The following RTKN2 variants were observed in gnomAD, a reference collection of about 807,000 sequenced individuals.
RTKN2 encodes the protein rhotekin 2.
A neutral mutation model predicts 71.5 loss-of-function variants in RTKN2; 69 were observed. The ratio of observed to expected loss-of-function variants is 0.96; its 90% CI spans 0.79 to 1.18. The LOEUF (loss-of-function observed/expected upper bound fraction) is 1.18. RTKN2 is among the 50% of genes most tolerant of loss of function. The probability of loss-of-function intolerance (pLI) is 0.00; values close to 1 mark genes in which losing one functional copy is unlikely to be tolerated. For synonymous variants in RTKN2, 236 were observed against 236.5 expected, an observed-to-expected ratio of 1.00 and a Z score of 0.02; for missense variants, 724 against 719.7, an observed-to-expected ratio of 1.01 and a Z score of -0.07.
downstream of RTKN2, among the ~76,000 whole-genome samples, chr10:62,191,136 T>G (rs1841216548): frequency 6.6e-6 from 1 of 152,180 alleles, no homozygotes; most frequent in African/African-American, 2.4e-5. Context: ...TTGCACTTCT[T>G]AACTCGTTAG....
At chr10:62,241,050 T>C in intron 4 of RTKN2, 92 bp downstream of exon 4, 1 of 668,466 alleles carries the variant, frequency 1.5e-6, no homozygotes, top group Admixed American at 3.2e-5. Flanking sequence ...GACATCAATT[T>C]ATTTCAGCAA....
intron 11 of RTKN2, among the ~76,000 whole-genome samples, chr10:62,199,525 A>T (rs1422214999): frequency 2.6e-5 from 4 of 152,202 alleles, no homozygotes; most frequent in Non-Finnish European, 5.9e-5. Flanking sequence ...TAAGCCTTAA[A>T]TTTTTTGTCT....
chr10:62,262,614 A>C lies in RTKN2; in HGVS notation c.257+11T>G. 6.4e-7 allele frequency: 1 copy of C among 1,567,806 alleles called. No homozygotes were observed. Among genetic ancestry groups the C allele is most frequent in the Non-Finnish European group, 8.7e-7 (1 of 1,145,792 alleles). On this transcript the variant is annotated intron_variant, in intron 2 of 11. Coordinates refer to ENST00000373789, the MANE Select transcript of RTKN2 (RefSeq NM_145307.4). Reference sequence around the variant, plus strand: ...GTACATTAAAAGCCACAGGTAAACTATGTTACTAACCATCTTCCAGTCTGA... The same window carrying C: ...GTACATTAAAAGCCACAGGTAAACTCTGTTACTAACCATCTTCCAGTCTGA...
At chr10:62,215,828 C>G (rs1238102717) in intron 9 of RTKN2, among the ~76,000 whole-genome samples, 1 of 151,854 alleles carries the variant, frequency 6.6e-6, no homozygotes, top group Non-Finnish European at 1.5e-5. Context: ...GGAAATACAA[C>G]ACTGCATAAA....
At chr10:62,210,811 G>A (rs1173909882) in intron 9 of RTKN2, among the ~76,000 whole-genome samples, 1 of 151,836 alleles carries the variant, frequency 6.6e-6, no homozygotes, top group Non-Finnish European at 1.5e-5. Flanking sequence ...AACTCCTACA[G>A]GAAAATGTTT....
chr10:62,232,806 T>G (rs1429633028), intron 6 of RTKN2, among the ~76,000 whole-genome samples: 1 of 152,126 alleles, frequency 6.6e-6, no homozygotes, highest in Non-Finnish European at 1.5e-5. Flanking sequence ...CAGAGCTTAC[T>G]ACAAAATGCT....
At position 62,198,220 on chromosome 10, in the gene RTKN2, A is replaced by G; in HGVS notation, c.1518T>C (p.Leu506=). ...DEKGKKRQAP[L]PPSDKLPFSL... is the part of the protein sequence containing the mutation. ...TGAATGGAAGTTTATCAGAAGGAGG[A>G]AGGGGAGCTTGTCTCTTTTTCCCTT... is the stretch of plus-strand genomic sequence containing the variant. Residue 506 remains leucine, a synonymous_variant, in exon 12 of 12, where the codon CTT becomes CTC. Transcript: ENST00000373789. The G allele has an allele frequency of 3.1e-6, 5 of 1,614,046 alleles. No individual in the cohort carries two copies. Among genetic ancestry groups the G allele is most frequent in the Non-Finnish European group, 4.2e-6 (5 of 1,179,976 alleles).
chr10:62,188,893 G>A (rs968682254), downstream of RTKN2, among the ~76,000 whole-genome samples: 3 of 151,576 alleles, frequency 2.0e-5, no homozygotes, highest in Non-Finnish European at 4.4e-5. Context: ...GACTACAGGC[G>A]CTTGCCACCA....
chr10:62,202,935 C>T (rs573233568), intron 10 of RTKN2, among the ~76,000 whole-genome samples: 4 of 152,182 alleles, frequency 2.6e-5, no homozygotes, highest in South Asian at 2.1e-4. Flanking sequence ...CTGAGGTGGG[C>T]GGATCACCTG....
intron 2 of RTKN2, among the ~76,000 whole-genome samples, chr10:62,249,301 G>A (rs1842533623): frequency 7.1e-6 from 1 of 141,112 alleles, no homozygotes; most frequent in African/African-American, 2.6e-5. Flanking sequence ...ACACTGATTA[G>A]TATTGTTTTT....
intron 9 of RTKN2, among the ~76,000 whole-genome samples, chr10:62,214,766 T>A (rs1026226118): frequency 9.9e-5 from 15 of 152,136 alleles, no homozygotes; most frequent in African/African-American, 3.6e-4. Context: ...CTTTTTAACT[T>A]TCAAAATTGA....
At chr10:62,222,337 C>T (rs1327638335) in intron 7 of RTKN2, among the ~76,000 whole-genome samples, 1 of 151,998 alleles carries the variant, frequency 6.6e-6, no homozygotes, top group African/African-American at 2.4e-5. Flanking sequence ...GTCTCAAACT[C>T]CTGGGCTCAT....
At position 62,197,216 on chromosome 10, in the gene RTKN2, T is replaced by C. The variant is rs1430032241; in HGVS notation, c.*692A>G. On this transcript the variant is annotated 3_prime_UTR_variant, in exon 12 of 12. Coordinates refer to ENST00000373789, the MANE Select transcript of RTKN2 (RefSeq NM_145307.4). ...AATGTAAAGAGCATTTCATCTACCA[T>C]TTCTCTAAACTAGTAAGTGTTATGC... The C allele has an allele frequency of 3.0e-6, 3 of 985,312 alleles. No homozygotes were observed. The East Asian group carries it at 3.4e-4, about 112-fold the overall frequency. The allele number at this position is 985,312 out of a possible 1,614,324, so 61.0% of individuals were successfully genotyped here.
chr10:62,253,991 C>T (rs943539762), intron 2 of RTKN2, among the ~76,000 whole-genome samples: 1 of 151,998 alleles, frequency 6.6e-6, no homozygotes, highest in South Asian at 2.1e-4. Context: ...GGGGTGGGAA[C>T]CGTGACAAGA....
At chr10:62,211,941 G>T (rs1367481273) in intron 9 of RTKN2, among the ~76,000 whole-genome samples, 2 of 152,152 alleles carry the variant, frequency 1.3e-5, no homozygotes, top group Non-Finnish European at 2.9e-5. Flanking sequence ...TGGGATTACA[G>T]GCGTGAGCTA....
At chr10:62,233,778 A>G (rs929772549) in intron 6 of RTKN2, among the ~76,000 whole-genome samples, 39 of 152,292 alleles carry the variant, frequency 2.6e-4, no homozygotes, top group African/African-American at 8.4e-4. Context: ...TTTTGCATGT[A>G]ATATATATCA....
chr10:62,262,483 A>T lies in RTKN2; in HGVS notation c.257+142T>A, dbSNP rs186567808. 5.5e-4 allele frequency: 311 copies of T among 562,464 alleles called. 1 individual carries two copies. The highest frequency in any genetic ancestry group is 4.8e-3 in the African/African-American group (251 of 52,736). The allele number at this position is 562,464 out of a possible 1,614,324, so 34.8% of individuals were successfully genotyped here. Reference sequence around the variant, plus strand: ...TCTGAGCTGTGTCGGCAAACTGTTTATGATGTCAGCTGCTACTTCAGTGTA... The same window carrying T: ...TCTGAGCTGTGTCGGCAAACTGTTTTTGATGTCAGCTGCTACTTCAGTGTA... On this transcript the variant is annotated intron_variant, in intron 2 of 11. Transcript: ENST00000373789.
chr10:62,259,679 G>A (rs1384240769), intron 2 of RTKN2, among the ~76,000 whole-genome samples: 1 of 152,136 alleles, frequency 6.6e-6, no homozygotes, highest in Non-Finnish European at 1.5e-5. Flanking sequence ...AGTCTCTTGA[G>A]TAGCTGGGAG....
chr10:62,252,220 G>A (rs1842594598), intron 2 of RTKN2, among the ~76,000 whole-genome samples: 1 of 151,932 alleles, frequency 6.6e-6, no homozygotes, highest in Non-Finnish European at 1.5e-5. Context: ...CAGTCTCCAG[G>A]CAAAAAGTCA....
Sources: gnomAD v4.1 joint callset for allele counts (sites outside exome capture counted in the v4.1 genomes callset) on GRCh38, gnomAD v4.1.1 for gene constraint, MANE v1.5 for transcripts, NCBI Gene and HGNC (gene_info 2026-07-23, HGNC 2026-07-21) for gene names.